The following USH2A variants were observed in gnomAD, a reference collection of about 807,000 sequenced individuals.
USH2A encodes Usher syndrome 2A (autosomal recessive, mild).
In USH2A, 443 loss-of-function variants were observed where a neutral mutation model predicts 538.9. That is an observed-to-expected ratio of 0.82 (90% CI 0.76 to 0.89). The LOEUF is 0.89. Among genes scored for constraint, USH2A ranks in the 40% least tolerant of loss-of-function variants. The pLI is 0.00. For synonymous variants in USH2A, 2,413 were observed against 2,273.5 expected, an observed-to-expected ratio of 1.06 and a Z score of -1.75; for missense variants, 6,633 against 6,324.8, an observed-to-expected ratio of 1.05 and a Z score of -1.65.
intron 41 of USH2A, among the ~76,000 whole-genome samples, chr1:215,887,583 TA>T (rs1665093339): frequency 6.6e-6 from 1 of 152,254 alleles, no homozygotes; most frequent in Non-Finnish European, 1.5e-5. Context: ...CAAAGACTTT[TA>T]AAAATAGCTT....
intron 4 of USH2A, among the ~76,000 whole-genome samples, chr1:216,337,782 T>C (rs2038001530): frequency 6.6e-6 from 1 of 151,330 alleles, no homozygotes; most frequent in African/African-American, 2.4e-5. Context: ...AATAAATCTA[T>C]AGTCAAATAT....
At chr1:216,026,650 C>T (rs1457265997) in intron 32 of USH2A, among the ~76,000 whole-genome samples, 1 of 152,118 alleles carries the variant, frequency 6.6e-6, no homozygotes, top group Non-Finnish European at 1.5e-5. Flanking sequence ...TGTTCTCCTA[C>T]TATACACATA....
intron 32 of USH2A, among the ~76,000 whole-genome samples, chr1:216,013,626 G>A (rs994292597): frequency 2.0e-5 from 3 of 151,912 alleles, no homozygotes; most frequent in African/African-American, 4.8e-5. Context: ...TCCTTCTCCT[G>A]GCTCATCCTG....
intron 4 of USH2A, among the ~76,000 whole-genome samples, chr1:216,362,468 C>T (rs541927216): frequency 6.6e-6 from 1 of 152,172 alleles, no homozygotes; most frequent in African/African-American, 2.4e-5. Context: ...GAAACAAGTA[C>T]TTGGCTATAT....
intron 4 of USH2A, among the ~76,000 whole-genome samples, 182 bp from the exon 5 acceptor site, chr1:216,327,836 CAT>C (rs1266271199): frequency 6.6e-6 from 1 of 152,122 alleles, no homozygotes; most frequent in African/African-American, 2.4e-5. Context: ...CAAAAATAAT[CAT>C]AGTTATCTCC....
intron 21 of USH2A, among the ~76,000 whole-genome samples, chr1:216,171,956 A>G (rs891341460): frequency 6.6e-6 from 1 of 152,070 alleles, no homozygotes; most frequent in Non-Finnish European, 1.5e-5. Flanking sequence ...TTTTAAAAGA[A>G]CACTTGTATC....
intron 35 of USH2A, among the ~76,000 whole-genome samples, chr1:215,975,321 T>A (rs1667596401): frequency 6.6e-6 from 1 of 152,202 alleles, no homozygotes; most frequent in African/African-American, 2.4e-5. Flanking sequence ...GCTGAAGCTC[T>A]TTAGTTTAAT....
chr1:216,245,266 G>A (rs956954291), intron 13 of USH2A, among the ~76,000 whole-genome samples: 21 of 152,158 alleles, frequency 1.4e-4, no homozygotes, highest in Non-Finnish European at 2.1e-4. Flanking sequence ...TTATAAGTAC[G>A]TGACACCCCT....
intron 13 of USH2A, among the ~76,000 whole-genome samples, chr1:216,241,651 C>T (rs931390388): frequency 6.6e-6 from 1 of 152,092 alleles, no homozygotes; most frequent in African/African-American, 2.4e-5. Context: ...TCTCCTGCCT[C>T]AGTCTCCCAA....
chr1:216,419,778 T>C (rs979698169), intron 2 of USH2A, among the ~76,000 whole-genome samples: 2 of 152,130 alleles, frequency 1.3e-5, no homozygotes, highest in Non-Finnish European at 2.9e-5. Context: ...AATCAAGAAT[T>C]ACTGCTAAAG....
chr1:215,843,177 T>C (rs1332176871), intron 46 of USH2A, among the ~76,000 whole-genome samples: 2 of 152,154 alleles, frequency 1.3e-5, no homozygotes, highest in African/African-American at 4.8e-5. Context: ...GTAGTACTAT[T>C]AAATGGATAG....
At chr1:216,182,763 G>C (rs1572026988) in intron 20 of USH2A, among the ~76,000 whole-genome samples, 1 of 151,994 alleles carries the variant, frequency 6.6e-6, no homozygotes, top group African/African-American at 2.4e-5. Flanking sequence ...ACAGTTCTAA[G>C]GCTGCAATAT....
In USH2A at chr1:215,650,744, C is replaced by T. The variant is rs148674752; in HGVS notation, c.14191G>A (p.Gly4731Arg). The T allele has an allele frequency of 1.7e-4, 267 of 1,613,634 alleles. No individual in the cohort carries two copies. The highest frequency in any genetic ancestry group is 2.9e-4 in the South Asian group (26 of 91,052). Residue 4731 changes from glycine (G) to arginine (R), a missense_variant, in exon 65 of 72, where the codon GGG becomes AGG. Transcript: ENST00000307340. ...CTGAGACCTTCTGGTGGGGCTGGCC[C>T]GGTTCTGCACCATGTCCAGCTACTG... ...APSSWTWCRT[G>R]PAPPEGLRAP...
intron 11 of USH2A, among the ~76,000 whole-genome samples, chr1:216,281,752 T>C (rs2036781965): frequency 6.6e-6 from 1 of 152,098 alleles, no homozygotes; most frequent in African/African-American, 2.4e-5. Flanking sequence ...ATCTTTAATA[T>C]TTTGAGAAAC....
chr1:215,678,926 C>T (rs549204334), intron 62 of USH2A, among the ~76,000 whole-genome samples: 4 of 152,340 alleles, frequency 2.6e-5, no homozygotes, highest in Admixed American at 2.6e-4. Context: ...GCTCTCATGA[C>T]TCCAAATACC....
chr1:215,667,051 A>C (rs1657627195), intron 64 of USH2A, among the ~76,000 whole-genome samples: 1 of 152,116 alleles, frequency 6.6e-6, no homozygotes, highest in African/African-American at 2.4e-5. Flanking sequence ...AGATTGCGCC[A>C]TTGCACTCCA....
intron 3 of USH2A, among the ~76,000 whole-genome samples, chr1:216,406,696 C>T (rs1445068612): frequency 6.6e-6 from 1 of 152,100 alleles, no homozygotes. Context: ...CTAGTTTTCT[C>T]AATATATGTT....
chr1:216,243,258 C>T (rs528184477), intron 13 of USH2A, among the ~76,000 whole-genome samples: 1 of 152,240 alleles, frequency 6.6e-6, no homozygotes, highest in East Asian at 1.9e-4. Flanking sequence ...ACTCAAGAGG[C>T]CTTCATTAAC....
In USH2A at chr1:216,042,074, T is replaced by C. The variant is rs910141302; in HGVS notation, c.6325+4357A>G. On this transcript the variant is annotated intron_variant, in intron 32 of 71. Transcript: ENST00000307340. ...ACTATTGCTCAAATGGTTAAATGCA[T>C]TAATAAATATCCATTATATGCTATA... is the stretch of plus-strand genomic sequence containing the variant. 9.2e-5 allele frequency among the ~76,000 whole-genome samples: 14 copies of C among 152,132 alleles called. No homozygotes were observed. In the East Asian group the frequency reaches 2.7e-3, roughly 29 times the overall value.
Sources: allele counts gnomAD v4.1 joint callset (sites outside exome capture counted in the v4.1 genomes callset), GRCh38; gene constraint gnomAD v4.1.1; transcripts MANE v1.5; gene names NCBI Gene and HGNC (gene_info 2026-07-23, HGNC 2026-07-21).